SEMA5A: variants seen among roughly 807,000 people sequenced by gnomAD.
SEMA5A encodes semaphorin-5A.
In SEMA5A, 55 loss-of-function variants were observed where a neutral mutation model predicts 135.5. The ratio of observed to expected loss-of-function variants is 0.41; its 90% CI spans 0.33 to 0.51. The LOEUF (loss-of-function observed/expected upper bound fraction) is 0.51. SEMA5A is among the 20% of genes least tolerant of loss of function. SEMA5A has a pLI of 0.37. For synonymous variants in SEMA5A, 580 were observed against 546.5 expected, an observed-to-expected ratio of 1.06 and a Z score of -0.85; for missense variants, 1,290 against 1,419.9, an observed-to-expected ratio of 0.91 and a Z score of 1.47.
At chr5:9,488,204 A>G (rs1474871661) in intron 1 of SEMA5A, among the ~76,000 whole-genome samples, 2 of 152,104 alleles carry the variant, frequency 1.3e-5, no homozygotes, top group African/African-American at 4.8e-5. Context: ...TTCAGTCCCC[A>G]CTTTGGCTTC....
At chr5:9,441,917 C>G (rs3822796) in intron 1 of SEMA5A, among the ~76,000 whole-genome samples, 1 of 152,044 alleles carries the variant, frequency 6.6e-6, no homozygotes, top group African/African-American at 2.4e-5. Context: ...CAAAGGAAGG[C>G]AGAGTCACTG....
chr5:9,447,032 C>T (rs1758459005), intron 1 of SEMA5A, among the ~76,000 whole-genome samples: 1 of 152,128 alleles, frequency 6.6e-6, no homozygotes, highest in Non-Finnish European at 1.5e-5. Flanking sequence ...TAAAAGTTGG[C>T]TAACTGTGAA....
intron 11 of SEMA5A, among the ~76,000 whole-genome samples, chr5:9,172,806 A>T (rs2150310654): frequency 1.3e-5 from 2 of 152,350 alleles, no homozygotes; most frequent in South Asian, 4.1e-4. Context: ...TTTCTTGAGC[A>T]AATTTTCCTT....
At chr5:9,416,823 G>A (rs1256675536) in intron 2 of SEMA5A, among the ~76,000 whole-genome samples, 1 of 152,192 alleles carries the variant, frequency 6.6e-6, no homozygotes, top group African/African-American at 2.4e-5. Context: ...ATAGAGGCCA[G>A]TGATGCTGAT....
rs1179123368 is a variant in SEMA5A, at chr5:9,041,013, C to A, written c.*1884G>T. 2 of 152,124 alleles carry A rather than the reference C, an allele frequency of 1.3e-5. No homozygotes were observed. Among genetic ancestry groups the A allele is most frequent in the African/African-American group, 2.4e-5 (1 of 41,414 alleles). The allele number at this position is 152,124 out of a possible 1,614,324, so 9.4% of individuals were successfully genotyped here. A position where few individuals can be genotyped will look rare whatever the true frequency, so the allele number is the denominator to read the frequency against. ...ACTGAGTATGGACTTTGAGCATGTG[C>A]ATATAGACAGAAGACTCTGACATAT... On this transcript the variant is annotated 3_prime_UTR_variant, in exon 23 of 23. Coordinates refer to ENST00000382496, the MANE Select transcript of SEMA5A (RefSeq NM_003966.3).
At chr5:9,184,644 T>C (rs1205561779) in intron 11 of SEMA5A, among the ~76,000 whole-genome samples, 3 of 152,262 alleles carry the variant, frequency 2.0e-5, no homozygotes, top group Non-Finnish European at 2.9e-5. Flanking sequence ...TTTACTCTTG[T>C]AGTAGAATAG....
intron 1 of SEMA5A, among the ~76,000 whole-genome samples, chr5:9,541,574 A>G (rs1226215566): frequency 6.6e-6 from 1 of 152,210 alleles, no homozygotes; most frequent in Non-Finnish European, 1.5e-5. Context: ...GAGTTTAAAA[A>G]CAGAATGATT....
intron 16 of SEMA5A, among the ~76,000 whole-genome samples, chr5:9,092,240 G>A (rs184853628): frequency 5.3e-5 from 8 of 152,324 alleles, no homozygotes; most frequent in South Asian, 2.1e-4. Flanking sequence ...GGTGCAGCAT[G>A]GGAAATAAGA....
intron 12 of SEMA5A, among the ~76,000 whole-genome samples, chr5:9,144,318 G>A (rs1402871593): frequency 6.6e-6 from 1 of 152,224 alleles, no homozygotes; most frequent in East Asian, 1.9e-4. Flanking sequence ...AATTATGCCT[G>A]AAGAATGCAG....
chr5:9,458,563 T>C (rs1329303432), intron 1 of SEMA5A, among the ~76,000 whole-genome samples: 1 of 152,154 alleles, frequency 6.6e-6, no homozygotes, highest in Non-Finnish European at 1.5e-5. Flanking sequence ...AAGGCAGCTT[T>C]TGGTCAGATT....
chr5:9,397,179 TAAAC>T (rs199780832), intron 2 of SEMA5A, among the ~76,000 whole-genome samples: 3,248 of 152,248 alleles, frequency 0.021, 51 homozygotes, highest in Non-Finnish European at 0.032. Context: ...GTACAGCACA[TAAAC>T]AAACACACAC....
At chr5:9,392,854 AG>A (rs563718998) in intron 2 of SEMA5A, among the ~76,000 whole-genome samples, 30 of 152,226 alleles carry the variant, frequency 2.0e-4, no homozygotes, top group Non-Finnish European at 3.8e-4. Flanking sequence ...TACTAAATAA[AG>A]GCAATGAATC....
At chr5:9,486,560 A>G (rs753945439) in intron 1 of SEMA5A, among the ~76,000 whole-genome samples, 7 of 152,174 alleles carry the variant, frequency 4.6e-5, no homozygotes, top group Non-Finnish European at 7.4e-5. Flanking sequence ...GGAGACAGTC[A>G]AGAGAGATGT....
chr5:9,143,442 C>A (rs1218577920), intron 12 of SEMA5A, among the ~76,000 whole-genome samples: 1 of 152,128 alleles, frequency 6.6e-6, no homozygotes. Context: ...CTGTTTTTTA[C>A]ATTTCATTTT....
chr5:9,067,865 T>G (rs564471622), intron 16 of SEMA5A, among the ~76,000 whole-genome samples: 1 of 152,202 alleles, frequency 6.6e-6, no homozygotes, highest in Admixed American at 6.5e-5. Flanking sequence ...ATCTTTTGCT[T>G]TAGTTTCTGG....
At chr5:9,174,106 T>C (rs575124502) in intron 11 of SEMA5A, among the ~76,000 whole-genome samples, 1 of 152,334 alleles carries the variant, frequency 6.6e-6, no homozygotes, top group African/African-American at 2.4e-5. Context: ...ATGTTACATC[T>C]CTGCAAGTGA....
chr5:9,096,778 G>A (rs747065472), intron 16 of SEMA5A, among the ~76,000 whole-genome samples: 1 of 152,122 alleles, frequency 6.6e-6, no homozygotes, highest in Admixed American at 6.5e-5. Context: ...ATTAAGAAAT[G>A]TCAAGGGACT....
chr5:9,178,663 G>A (rs531920072), intron 11 of SEMA5A, among the ~76,000 whole-genome samples: 1 of 152,186 alleles, frequency 6.6e-6, no homozygotes, highest in East Asian at 1.9e-4. Context: ...CCAGTATTCT[G>A]TATAGATAAT....
chr5:9,521,040 G>A (rs1361369480), intron 1 of SEMA5A, among the ~76,000 whole-genome samples: 1 of 152,184 alleles, frequency 6.6e-6, no homozygotes, highest in African/African-American at 2.4e-5. Flanking sequence ...TTAGCAATAG[G>A]GGAACCTGGG....
Sources: gnomAD v4.1 joint callset for allele counts (sites outside exome capture counted in the v4.1 genomes callset) on GRCh38, gnomAD v4.1.1 for gene constraint, MANE v1.5 for transcripts, NCBI Gene and HGNC (gene_info 2026-07-23, HGNC 2026-07-21) for gene names.